TSC22D1: variants seen among roughly 807,000 people sequenced by gnomAD.
TSC22D1 encodes the protein TSC22 domain family member 1.
In TSC22D1, 9 loss-of-function variants were observed where a neutral mutation model predicts 74.2. The observed-to-expected ratio is 0.12, with a 90% CI of 0.07 to 0.21. TSC22D1 has a LOEUF of 0.21. Among genes scored for constraint, TSC22D1 ranks in the 10% least tolerant of loss-of-function variants. TSC22D1 has a pLI of 1.00. For missense variants in TSC22D1, 1,427 were observed against 1,304.7 expected, an observed-to-expected ratio of 1.09 and a Z score of -1.44; for synonymous variants, 586 against 492.5, an observed-to-expected ratio of 1.19 and a Z score of -2.51.
intron 1 of TSC22D1, among the ~76,000 whole-genome samples, chr13:44,470,234 G>A (rs898596527): frequency 6.6e-6 from 1 of 152,106 alleles, no homozygotes; most frequent in East Asian, 1.9e-4. Context: ...TAACAGGTTC[G>A]CAGAACAACT....
chr13:44,444,304 A>G (rs1481147204), intron 1 of TSC22D1, among the ~76,000 whole-genome samples: 5 of 140,926 alleles, frequency 3.5e-5, no homozygotes, highest in African/African-American at 8.0e-5. Flanking sequence ...AAAAAAAAAA[A>G]AAAAGAAAAG....
intron 1 of TSC22D1, among the ~76,000 whole-genome samples, chr13:44,550,752 TG>T (rs1215070683): frequency 1.3e-5 from 2 of 152,004 alleles, no homozygotes; most frequent in Non-Finnish European, 2.9e-5. Flanking sequence ...CAGCCCAGCC[TG>T]GGCAACATAG....
chr13:44,550,589 A>G (rs1272981892), intron 1 of TSC22D1, among the ~76,000 whole-genome samples: 1 of 150,694 alleles, frequency 6.6e-6, no homozygotes, highest in African/African-American at 2.4e-5. Flanking sequence ...TCTCGGGGAA[A>G]AAAAAAAAAA....
At chr13:44,558,438 T>A (rs1022139603) in intron 1 of TSC22D1, among the ~76,000 whole-genome samples, 2 of 152,150 alleles carry the variant, frequency 1.3e-5, no homozygotes, top group Non-Finnish European at 2.9e-5. Flanking sequence ...AGTTGCCAAT[T>A]TAAATGTTAT....
chr13:44,461,350 T>C (rs1020382271), intron 1 of TSC22D1, among the ~76,000 whole-genome samples: 8 of 152,150 alleles, frequency 5.3e-5, no homozygotes, highest in Non-Finnish European at 2.9e-5. Flanking sequence ...GTGGTAAGCA[T>C]TGTGACTGGC....
At position 44,566,062 on chromosome 13, in the gene TSC22D1, C is replaced by CT. The variant is rs543461823; in HGVS notation, c.2912+7100dup. 3.8e-3 allele frequency among the ~76,000 whole-genome samples: 578 copies of CT among 152,274 alleles called. 5 individuals are homozygous for CT. The highest frequency in any genetic ancestry group is 0.013 in the African/African-American group (531 of 41,570). ...CACACCACTGTGATGACTTTACCCA[C>CT]TTTTTTCTCACCAAGGACTTGCAGG... On this transcript the variant is annotated intron_variant, in intron 1 of 2. Coordinates refer to ENST00000458659, the MANE Select transcript of TSC22D1 (RefSeq NM_183422.4).
intron 1 of TSC22D1, among the ~76,000 whole-genome samples, chr13:44,478,509 T>A (rs1878027398): frequency 6.6e-6 from 1 of 152,164 alleles, no homozygotes; most frequent in African/African-American, 2.4e-5. Flanking sequence ...TATGCTTTAT[T>A]GTCTCTACAA....
intron 1 of TSC22D1, among the ~76,000 whole-genome samples, chr13:44,494,405 A>AAAAAAC (rs1878869926): frequency 7.2e-6 from 1 of 138,572 alleles, no homozygotes; most frequent in Non-Finnish European, 1.6e-5. Flanking sequence ...AAAAAAAAAA[A>AAAAAAC]AGATTAGCCA....
chr13:44,505,720 C>G (rs1331773234), intron 1 of TSC22D1, among the ~76,000 whole-genome samples: 1 of 152,120 alleles, frequency 6.6e-6, no homozygotes, highest in African/African-American at 2.4e-5. Flanking sequence ...AACTACTAGA[C>G]TTTTCAATAA....
intron 1 of TSC22D1, among the ~76,000 whole-genome samples, chr13:44,458,296 C>T (rs901976239): frequency 1.3e-5 from 2 of 152,208 alleles, no homozygotes; most frequent in African/African-American, 4.8e-5. Context: ...ACATCTTCAT[C>T]AGTACTGACT....
intron 1 of TSC22D1, among the ~76,000 whole-genome samples, chr13:44,475,892 CAAAGG>C (rs1209900187): frequency 6.6e-6 from 1 of 152,006 alleles, no homozygotes; most frequent in East Asian, 1.9e-4. Context: ...CTGCAATGGC[CAAAGG>C]AAAGATCAAC....
chr13:44,525,205 C>T (rs1049630674), intron 1 of TSC22D1, among the ~76,000 whole-genome samples: 3 of 152,170 alleles, frequency 2.0e-5, no homozygotes, highest in Admixed American at 1.3e-4. Context: ...GGACTACATA[C>T]AGACTATTCT....
At position 44,440,409 on chromosome 13, in the gene TSC22D1, T is replaced by C. The variant is rs1224350830; in HGVS notation, c.2913-4314A>G. 2.6e-5 allele frequency among the ~76,000 whole-genome samples: 4 copies of C among 151,230 alleles called. No homozygotes were observed. In the South Asian group the frequency reaches 6.3e-4, roughly 24 times the overall value. ...GCCTTGCCAACATGGTAAAACCCCG[T>C]CTCCACTTTAAAAAAAAACAAAAAC... On this transcript the variant is annotated intron_variant, in intron 1 of 2. Coordinates refer to ENST00000458659, the MANE Select transcript of TSC22D1 (RefSeq NM_183422.4).
chr13:44,442,913 TCAAA>T (rs1875318095), intron 1 of TSC22D1, among the ~76,000 whole-genome samples: 2 of 10,876 alleles, frequency 1.8e-4, no homozygotes, highest in Non-Finnish European at 4.0e-4. Context: ...CGAGACTCTG[TCAAA>T]AAAAAAAAAA....
At chr13:44,518,069 G>A (rs1001867664) in intron 1 of TSC22D1, among the ~76,000 whole-genome samples, 14 of 147,922 alleles carry the variant, frequency 9.5e-5, no homozygotes, top group African/African-American at 1.7e-4. Context: ...GTCCAGGCTG[G>A]TCTCAAACTC....
rs560274891 is a variant in TSC22D1 at position 44,545,408 on chromosome 13, A to T, written c.2912+27755T>A. 1.4e-4 allele frequency among the ~76,000 whole-genome samples: 21 copies of T among 152,194 alleles called. No homozygotes were observed. In the South Asian group the frequency reaches 2.5e-3, roughly 18 times the overall value. On this transcript the variant is annotated intron_variant, in intron 1 of 2. Coordinates refer to ENST00000458659, the MANE Select transcript of TSC22D1 (RefSeq NM_183422.4). ...GTGAAAAAGGCTAGTATATGTCATT[A>T]AAAAAACCTTAGTAATTTTAAGAAG...
At chr13:44,451,902 A>G (rs976483167) in intron 1 of TSC22D1, among the ~76,000 whole-genome samples, 1 of 152,170 alleles carries the variant, frequency 6.6e-6, no homozygotes, top group Non-Finnish European at 1.5e-5. Context: ...GACCGAGGAG[A>G]GGACTGCAAA....
Position 44,573,656 on chromosome 13 carries a change from C to G in TSC22D1, c.2419G>C (p.Glu807Gln), listed in dbSNP as rs4499134. ...GAAACAATTCCTTGAGCTACTGGTT[C>G]TACTCCTTGTGGCTGGGGAGGCACA... ...LTVPPQPQGV[E>Q]PVAQGIVSQQ... Residue 807 changes from glutamate to glutamine, a missense_variant, in exon 1 of 3, where the codon GAA becomes CAA. By Grantham distance (29) the Glu-to-Gln change is conservative. Coordinates refer to ENST00000458659, the MANE Select transcript of TSC22D1 (RefSeq NM_183422.4). 6.2e-6 allele frequency: 10 copies of G among 1,614,124 alleles called. No individual in the cohort carries two copies. Among genetic ancestry groups the G allele is most frequent in the Non-Finnish European group, 8.5e-6 (10 of 1,180,048 alleles).
At chr13:44,537,570 T>TCA (rs1881225098) in intron 1 of TSC22D1, 1 of 984,952 alleles carries the variant, frequency 1.0e-6, no homozygotes, top group Non-Finnish European at 1.2e-6. Flanking sequence ...TTTAGTTCCT[T>TCA]CAGTTCTTCC....
Sources: gnomAD v4.1 joint callset for allele counts (sites outside exome capture counted in the v4.1 genomes callset) on GRCh38, gnomAD v4.1.1 for gene constraint, MANE v1.5 for transcripts, NCBI Gene and HGNC (gene_info 2026-07-23, HGNC 2026-07-21) for gene names.